ROR1: variants seen among roughly 807,000 people sequenced by gnomAD.
ROR1 encodes the protein ROR family WNT receptor 1, also known as inactive tyrosine-protein kinase transmembrane receptor ROR1.
A neutral mutation model predicts 78.8 loss-of-function variants in ROR1; 19 were observed. The observed-to-expected ratio is 0.24, with a 90% CI of 0.17 to 0.35. The LOEUF is 0.35. Ranked by LOEUF, ROR1 falls within the 10% of genes least tolerant of loss-of-function variation. ROR1 has a pLI of 1.00. For missense variants in ROR1, 917 were observed against 1,177.8 expected (o/e 0.78, Z 3.24); for synonymous variants, 386 against 433.6 (o/e 0.89, Z 1.36).
chr1:64,042,255 A>G lies in ROR1; in HGVS notation c.164-7436A>G, dbSNP rs77204883. Among the ~76,000 whole-genome samples, 587 of 152,290 alleles carry G rather than the reference A, an allele frequency of 3.9e-3. 7 individuals carry two copies. Among genetic ancestry groups the G allele is most frequent in the African/African-American group, 0.013 (559 of 41,566 alleles). On this transcript the variant is annotated intron_variant, in intron 2 of 8. Transcript: ENST00000371079. ...TCGAACAATTAAATTAGAATCTCTA[A>G]GGGTGGGACCCAGGTATCAGTATTT...
rs200195576 is a variant in ROR1 at position 64,140,218 on chromosome 1, C to T, written c.720C>T (p.Ser240=). The T allele has an allele frequency of 2.3e-5, 37 of 1,614,082 alleles. No homozygotes were observed. In the East Asian group the frequency reaches 4.9e-4, roughly 21 times the overall value. The change falls in exon 6 of 9, where the codon TCC becomes TCT. Residue 240 remains serine (S), a synonymous_variant. Transcript: ENST00000371079. ...YAFPYCDETS[S]VPKPRDLCRD... ...TCCCGTACTGCGATGAAACTTCATC[C>T]GTCCCAAAGCCCCGTGACTTGTGTC...
intron 1 of ROR1, among the ~76,000 whole-genome samples, chr1:63,963,944 G>A (rs1646053883): frequency 6.6e-6 from 1 of 152,136 alleles, no homozygotes; most frequent in Admixed American, 6.5e-5. Context: ...TGAAGCTACT[G>A]TATCAGTCTT....
In ROR1 at chr1:63,834,064, TTC is replaced by T. The variant is rs147324603; in HGVS notation, c.91+59562_91+59563del. Among the ~76,000 whole-genome samples the T allele has an allele frequency of 6.1e-3, 929 of 151,388 alleles. 11 individuals are homozygous for T. The highest frequency in any genetic ancestry group is 0.022 in the African/African-American group (898 of 41,082). ...AGTTAGTTACTGACCTGGCATTGCTTTCTCTCTAACATCCTGTGTAGCTTTTG... is the reference window on the plus strand; with the variant it reads ...AGTTAGTTACTGACCTGGCATTGCTTTCTCTAACATCCTGTGTAGCTTTTG... On this transcript the variant is annotated intron_variant, in intron 1 of 8. Transcript: ENST00000371079.
intron 1 of ROR1, among the ~76,000 whole-genome samples, chr1:63,999,409 CTAA>C (rs1646365419): frequency 6.6e-6 from 1 of 152,220 alleles, no homozygotes; most frequent in African/African-American, 2.4e-5. Flanking sequence ...CCATGTCTAT[CTAA>C]ATATCTGGTT....
In ROR1 at chr1:64,159,000, G is replaced by A. The variant is rs141647401; in HGVS notation, c.1194G>A (p.Glu398=). The A allele has an allele frequency of 6.2e-5, 100 of 1,614,020 alleles. No homozygotes were observed. The African/African-American group carries it at 1.2e-3, about 20-fold the overall frequency. ...IPACDSKDSK[E]KNKMEILYIL... ...ACCCAGATTCAAAGGATTCCAAGGA[G>A]AAGAATAAAATGGAAATCCTGTACA... Residue 398 remains glutamate, a synonymous_variant, in exon 8 of 9, where the codon GAG becomes GAA. Coordinates refer to ENST00000371079, the MANE Select transcript of ROR1 (RefSeq NM_005012.4).
intron 2 of ROR1, among the ~76,000 whole-genome samples, chr1:64,034,962 C>A (rs1294991651): frequency 6.6e-6 from 1 of 152,158 alleles, no homozygotes; most frequent in East Asian, 1.9e-4. Context: ...TGACCTGATT[C>A]TCTTGCTGGG....
At chr1:63,999,034 C>T (rs1251722217) in intron 1 of ROR1, among the ~76,000 whole-genome samples, 2 of 152,214 alleles carry the variant, frequency 1.3e-5, no homozygotes, top group African/African-American at 4.8e-5. Flanking sequence ...GAGGCCTCTC[C>T]AGCCACGTGG....
intron 2 of ROR1, among the ~76,000 whole-genome samples, chr1:64,017,620 C>G (rs568561286): frequency 2.6e-5 from 4 of 152,228 alleles, no homozygotes; most frequent in African/African-American, 9.6e-5. Context: ...GCCGGTTATT[C>G]CAGCTCTTGG....
intron 8 of ROR1, among the ~76,000 whole-genome samples, chr1:64,174,572 C>T (rs1242746350): frequency 6.6e-6 from 1 of 152,134 alleles, no homozygotes; most frequent in African/African-American, 2.4e-5. Context: ...CTTCCTAATT[C>T]CCATTTTCCA....
intron 1 of ROR1, among the ~76,000 whole-genome samples, chr1:63,950,710 A>G (rs1645928473): frequency 6.6e-6 from 1 of 152,212 alleles, no homozygotes; most frequent in East Asian, 1.9e-4. Context: ...ACCTAGGGCA[A>G]GTTCCCCAAA....
chr1:64,103,748 T>A (rs1647668790), intron 4 of ROR1, among the ~76,000 whole-genome samples: 1 of 152,064 alleles, frequency 6.6e-6, no homozygotes, highest in Admixed American at 6.6e-5. Flanking sequence ...GTTCTCCCAT[T>A]ATCTGAATTA....
chr1:64,085,936 G>A (rs928326647), intron 4 of ROR1, among the ~76,000 whole-genome samples: 18 of 152,174 alleles, frequency 1.2e-4, no homozygotes, highest in African/African-American at 3.9e-4. Context: ...CAGCAACGGG[G>A]CATGTGCCGT....
rs10709706 is a variant in ROR1 at position 64,179,024 on chromosome 1, G to GAAA, written c.*189_*191dup. ...ACCAAGCAGGACAGACACTCGGCCA[G>GAAA]AAAAAAAAAAAAAAAAAAAAAACAA... is the stretch of plus-strand genomic sequence containing the variant. On this transcript the variant is annotated 3_prime_UTR_variant, in exon 9 of 9. Transcript: ENST00000371079. The GAAA allele has an allele frequency of 3.1e-3, 485 of 157,310 alleles. 1 individual carries two copies. Among genetic ancestry groups the GAAA allele is most frequent in the South Asian group, 5.0e-3 (62 of 12,516 alleles). The allele number at this position is 157,310 out of a possible 1,614,324, so 9.7% of individuals were successfully genotyped here.
At chr1:64,075,068 TG>T (rs1647038105) in intron 4 of ROR1, among the ~76,000 whole-genome samples, 1 of 152,198 alleles carries the variant, frequency 6.6e-6, no homozygotes, top group African/African-American at 2.4e-5. Context: ...GCTTTAAAAA[TG>T]TTGGCTGAAT....
intron 4 of ROR1, among the ~76,000 whole-genome samples, chr1:64,056,710 C>T (rs529130725): frequency 1.3e-5 from 2 of 151,500 alleles, no homozygotes; most frequent in Admixed American, 1.3e-4. Context: ...TTATAGCCAT[C>T]CTCGTGAGTG....
rs750885147 is a variant in ROR1, at chr1:64,140,134, C to T, written c.636C>T (p.Ser212=). 24 of 1,612,866 alleles carry T rather than the reference C, an allele frequency of 1.5e-5. 1 individual carries two copies. Among genetic ancestry groups the T allele is most frequent in the Non-Finnish European group, 1.9e-5 (22 of 1,179,032 alleles). The change falls in exon 6 of 9, where the codon TCC becomes TCT. Residue 212 remains serine, a synonymous_variant. Coordinates refer to ENST00000371079, the MANE Select transcript of ROR1 (RefSeq NM_005012.4). ...ITAAFTMIGT[S]SHLSDKCSQF... ...CTGCCTTCACTATGATTGGCACTTC[C>T]AGTCACTTATCTGATAAGTGTTCTC... is the stretch of plus-strand genomic sequence containing the variant.
chr1:63,986,963 G>A (rs1409264629), intron 1 of ROR1, among the ~76,000 whole-genome samples: 19 of 152,014 alleles, frequency 1.2e-4, no homozygotes, highest in Admixed American at 1.2e-3. Flanking sequence ...TGGGAGGTGG[G>A]CAGCAGCAGA....
chr1:64,101,987 A>G (rs115048038), intron 4 of ROR1, among the ~76,000 whole-genome samples: 2,294 of 152,290 alleles, frequency 0.015, 55 homozygotes, highest in African/African-American at 0.053. Context: ...GGTGTATGCT[A>G]TATAGTTATT....
chr1:64,167,880 T>A (rs943951400), intron 8 of ROR1, among the ~76,000 whole-genome samples: 1 of 152,216 alleles, frequency 6.6e-6, no homozygotes, highest in Non-Finnish European at 1.5e-5. Flanking sequence ...CACTTTTGCA[T>A]CAATGGTCCT....
Sources: allele counts gnomAD v4.1 joint callset (sites outside exome capture counted in the v4.1 genomes callset), GRCh38; gene constraint gnomAD v4.1.1; transcripts MANE v1.5; gene names NCBI Gene and HGNC (gene_info 2026-07-23, HGNC 2026-07-21).